Variants in SOS2 observed in about 807,000 individuals in gnomAD.
SOS2 encodes the protein son of sevenless homolog 2.
A neutral mutation model predicts 148.2 loss-of-function variants in SOS2; 65 were observed. That is an observed-to-expected ratio of 0.44 (90% CI 0.36 to 0.54). The LOEUF is 0.54. Ranked by LOEUF, SOS2 falls within the 20% of genes least tolerant of loss-of-function variation. The pLI, the probability that SOS2 is intolerant of heterozygous loss-of-function variation, is 0.00. For synonymous variants in SOS2, 539 were observed against 537.1 expected, an observed-to-expected ratio of 1.00 and a Z score of -0.05; for missense variants, 1,341 against 1,590.2, an observed-to-expected ratio of 0.84 and a Z score of 2.67.
chr14:50,163,656 G>A (rs1885081818), intron 8 of SOS2, among the ~76,000 whole-genome samples: 1 of 152,182 alleles, frequency 6.6e-6, no homozygotes, highest in South Asian at 2.1e-4. Context: ...TTCTACAGGT[G>A]AAAGTTACTG....
rs1299686447 is a variant in SOS2, at chr14:50,161,628, A to T, written c.1069-19T>A. Reference sequence around the variant, plus strand: ...TCAATTGCTAAGAAAAAACAGAAAGAAAAATCAAAACTGCATTGTTTGATT... The same window carrying T: ...TCAATTGCTAAGAAAAAACAGAAAGTAAAATCAAAACTGCATTGTTTGATT... On this transcript the variant is annotated intron_variant, in intron 8 of 22. Transcript: ENST00000216373. 8 of 1,607,480 alleles carry T rather than the reference A, an allele frequency of 5.0e-6. No homozygotes were observed. The highest frequency in any genetic ancestry group is 6.8e-6 in the Non-Finnish European group (8 of 1,177,618).
At chr14:50,120,178 G>A in intron 22 of SOS2, 97 bp downstream of exon 22, 1 of 613,854 alleles carries the variant, frequency 1.6e-6, no homozygotes, top group Non-Finnish European at 2.9e-6. Flanking sequence ...AACCATAAAT[G>A]GTAGCCAAAG....
In SOS2 at chr14:50,231,386, T is replaced by G; in HGVS notation, c.-103A>C. On this transcript the variant is annotated 5_prime_UTR_variant, in exon 1 of 23. Coordinates refer to ENST00000216373, the MANE Select transcript of SOS2 (RefSeq NM_006939.4). ...CCTCGCCTCGCCGGCGGCCGCCGCC[T>G]CCCGCCCGGGCCGAGGCTACGGCCG... 3 of 272,908 alleles carry G rather than the reference T, an allele frequency of 1.1e-5. No individual in the cohort carries two copies. The highest frequency in any genetic ancestry group is 1.7e-5 in the Non-Finnish European group (3 of 178,746). 16.9% of individuals were successfully genotyped at this position (272,908 alleles called of 1,614,324 possible).
At chr14:50,130,199 T>C (rs1041684569) in intron 20 of SOS2, among the ~76,000 whole-genome samples, 197 bp from the exon 21 acceptor site, 1 of 152,202 alleles carries the variant, frequency 6.6e-6, no homozygotes, top group Non-Finnish European at 1.5e-5. Context: ...TGGTTCCCCC[T>C]CTATCACAGA....
intron 6 of SOS2, 45 bp from the exon 7 acceptor site, chr14:50,180,727 A>AACAAAGG: frequency 9.3e-7 from 1 of 1,079,616 alleles, no homozygotes; most frequent in Non-Finnish European, 1.4e-6. Context: ...AAAAGAATAT[A>AACAAAGG]TTTTCTACCA....
chr14:50,220,323 G>A (rs1389549051), intron 1 of SOS2, among the ~76,000 whole-genome samples: 1 of 144,620 alleles, frequency 6.9e-6, no homozygotes. Context: ...GGAGAATGGC[G>A]TGAACCCGGG....
chr14:50,167,514 G>T (rs904675640), intron 8 of SOS2, among the ~76,000 whole-genome samples: 1 of 151,668 alleles, frequency 6.6e-6, no homozygotes, highest in Admixed American at 6.6e-5. Context: ...CAGCCTGGGC[G>T]ACAAGAGTGA....
At chr14:50,200,783 T>G (rs112762740) in intron 3 of SOS2, among the ~76,000 whole-genome samples, 170 bp downstream of exon 3, 2 of 152,160 alleles carry the variant, frequency 1.3e-5, no homozygotes, top group Non-Finnish European at 2.9e-5. Flanking sequence ...CAGAGCATAA[T>G]CATTTTGTAT....
chr14:50,220,183 G>A (rs186986946), intron 1 of SOS2, among the ~76,000 whole-genome samples: 54 of 150,730 alleles, frequency 3.6e-4, no homozygotes, highest in Non-Finnish European at 7.4e-5. Flanking sequence ...GGCAGATCAC[G>A]AGGTCAGGAG....
intron 12 of SOS2, chr14:50,156,069 A>C (rs1333845227): frequency 1.3e-5 from 2 of 152,206 alleles, no homozygotes; most frequent in African/African-American, 4.8e-5. Flanking sequence ...ACTCAGTTCC[A>C]AAATTACAAT....
chr14:50,175,575 G>C (rs767226024), intron 7 of SOS2, among the ~76,000 whole-genome samples: 2 of 151,622 alleles, frequency 1.3e-5, no homozygotes, highest in Non-Finnish European at 2.9e-5. Flanking sequence ...CAAGATCTCC[G>C]AAGACTAGAA....
At chr14:50,229,353 C>T (rs1887469708) in intron 1 of SOS2, among the ~76,000 whole-genome samples, 1 of 152,012 alleles carries the variant, frequency 6.6e-6, no homozygotes, top group Non-Finnish European at 1.5e-5. Flanking sequence ...GTATTTATTT[C>T]ATAAAGAACA....
chr14:50,183,465 AAATCAATC>A (rs1234495703), intron 5 of SOS2, among the ~76,000 whole-genome samples: 2 of 152,170 alleles, frequency 1.3e-5, no homozygotes, highest in East Asian at 3.8e-4. Flanking sequence ...AAGACAGTAA[AAATCAATC>A]ATGAACAGGA....
rs1305225933 is a variant in SOS2, at chr14:50,141,832, C to T, written c.2668-1773G>A. ...TCCTCCTGAAAAAGAGTAAGATTGG[C>T]GAGGATTTGCCCTACTCTTCTCTAT... On this transcript the variant is annotated intron_variant, in intron 16 of 22. Transcript: ENST00000216373. Among the ~76,000 whole-genome samples, 5 of 151,938 alleles carry T rather than the reference C, an allele frequency of 3.3e-5. No individual in the cohort carries two copies. The South Asian group carries it at 6.2e-4, about 19-fold the overall frequency.
At chr14:50,227,123 T>C (rs1244285597) in intron 1 of SOS2, among the ~76,000 whole-genome samples, 1 of 152,198 alleles carries the variant, frequency 6.6e-6, no homozygotes, top group African/African-American at 2.4e-5. Flanking sequence ...ATGATCTAGG[T>C]GAGGTTCTAT....
intron 21 of SOS2, among the ~76,000 whole-genome samples, chr14:50,129,368 T>C (rs1461219750): frequency 1.3e-5 from 2 of 152,086 alleles, no homozygotes; most frequent in African/African-American, 4.8e-5. Context: ...TAGATGGTGT[T>C]TTTTTGTTTG....
At chr14:50,158,035 T>G (rs910460785) in intron 11 of SOS2, among the ~76,000 whole-genome samples, 5 of 152,148 alleles carry the variant, frequency 3.3e-5, no homozygotes, top group South Asian at 2.1e-4. Flanking sequence ...GTCTAGGATC[T>G]ACTTCAAAAT....
At position 50,231,154 on chromosome 14, in the gene SOS2, G is replaced by T. The variant is rs757349494; in HGVS notation, c.87+43C>A. 7.4e-6 allele frequency: 9 copies of T among 1,209,894 alleles called. No individual in the cohort carries two copies. In the African/African-American group the frequency reaches 1.1e-4, roughly 15 times the overall value. The allele number at this position is 1,209,894 out of a possible 1,614,324, so 74.9% of individuals were successfully genotyped here. ...ACCTGCTCCCCGTTAGAAGCTCGGG[G>T]GGCCACGGGCCACCCGCCGGCCGCC... On this transcript the variant is annotated intron_variant, in intron 1 of 22. Coordinates refer to ENST00000216373, the MANE Select transcript of SOS2 (RefSeq NM_006939.4).
chr14:50,160,836 C>T (rs768639939), intron 9 of SOS2, among the ~76,000 whole-genome samples: 5 of 151,806 alleles, frequency 3.3e-5, no homozygotes, highest in Non-Finnish European at 7.4e-5. Flanking sequence ...CCTATTTCAA[C>T]AAAAAATACA....
Sources: allele counts gnomAD v4.1 joint callset (sites outside exome capture counted in the v4.1 genomes callset), GRCh38; gene constraint gnomAD v4.1.1; transcripts MANE v1.5; gene names NCBI Gene and HGNC (gene_info 2026-07-23, HGNC 2026-07-21).